CCDC192: variants seen among roughly 807,000 people sequenced by gnomAD.
CCDC192 encodes coiled-coil domain containing 192, also known as coiled-coil domain-containing protein 192.
intron 5 of CCDC192, among the ~76,000 whole-genome samples, chr5:127,826,657 A>T (rs992903085): frequency 6.8e-6 from 1 of 146,878 alleles, no homozygotes; most frequent in Non-Finnish European, 1.5e-5. Flanking sequence ...AGAGGGAGGG[A>T]GGGGGGCAAG....
intron 5 of CCDC192, among the ~76,000 whole-genome samples, chr5:127,863,743 C>G (rs1212640781): frequency 1.3e-5 from 2 of 152,102 alleles, no homozygotes; most frequent in African/African-American, 4.8e-5. Context: ...AAAAAAAAGT[C>G]TTCGAGTTGA....
intron 6 of CCDC192, among the ~76,000 whole-genome samples, chr5:127,920,651 T>C (rs1753684811): frequency 6.6e-6 from 1 of 151,940 alleles, no homozygotes. Context: ...CCTCAGGTGA[T>C]CCACCCACCT....
chr5:127,775,125 C>T (rs1287467639), intron 3 of CCDC192, among the ~76,000 whole-genome samples: 1 of 151,998 alleles, frequency 6.6e-6, no homozygotes, highest in Non-Finnish European at 1.5e-5. Flanking sequence ...CCTTGGTGAC[C>T]CTGGTTACAC....
At chr5:127,705,170 C>T (rs916438240) in intron 1 of CCDC192, among the ~76,000 whole-genome samples, 7 of 152,112 alleles carry the variant, frequency 4.6e-5, no homozygotes, top group African/African-American at 1.7e-4. Context: ...AGCTAATAGG[C>T]TTTCTAAAGC....
At chr5:127,798,481 G>C (rs982380907) in intron 5 of CCDC192, among the ~76,000 whole-genome samples, 4 of 152,116 alleles carry the variant, frequency 2.6e-5, no homozygotes, top group African/African-American at 7.2e-5. Context: ...TGGAAGTGGA[G>C]AGATGTGGTA....
intron 6 of CCDC192, among the ~76,000 whole-genome samples, chr5:127,881,157 C>T (rs1210713335): frequency 6.6e-6 from 1 of 152,110 alleles, no homozygotes; most frequent in Non-Finnish European, 1.5e-5. Flanking sequence ...TTTCAGACCC[C>T]ATGATAAATA....
At chr5:127,733,414 C>T (rs1378095028) in intron 2 of CCDC192, among the ~76,000 whole-genome samples, 1 of 152,126 alleles carries the variant, frequency 6.6e-6, no homozygotes, top group Non-Finnish European at 1.5e-5. Context: ...TCATCTCCTC[C>T]ATTTTTATAG....
intron 2 of CCDC192, among the ~76,000 whole-genome samples, chr5:127,724,058 T>C (rs1166738536): frequency 2.0e-5 from 3 of 152,208 alleles, no homozygotes; most frequent in Non-Finnish European, 4.4e-5. Flanking sequence ...AATGAGGTTA[T>C]GCATTAACAC....
intron 6 of CCDC192, among the ~76,000 whole-genome samples, chr5:127,921,076 A>G (rs559833174): frequency 5.3e-5 from 7 of 131,886 alleles, no homozygotes; most frequent in African/African-American, 2.4e-4. Context: ...GCAGGAAAGG[A>G]GGAAAGGAAA....
chr5:127,809,341 A>T (rs1382776229), intron 5 of CCDC192, among the ~76,000 whole-genome samples: 1 of 152,216 alleles, frequency 6.6e-6, no homozygotes, highest in African/African-American at 2.4e-5. Flanking sequence ...GTGAGTTCTA[A>T]CTTCCCATGC....
chr5:127,868,019 T>TC, intron 5 of CCDC192, among the ~76,000 whole-genome samples: 1 of 151,524 alleles, frequency 6.6e-6, no homozygotes, highest in Non-Finnish European at 1.5e-5. Flanking sequence ...CTTTTTTTTT[T>TC]TTTTTTCAAG....
At chr5:127,783,146 C>A (rs940956018) in intron 3 of CCDC192, among the ~76,000 whole-genome samples, 1 of 151,980 alleles carries the variant, frequency 6.6e-6, no homozygotes, top group Non-Finnish European at 1.5e-5. Context: ...CAGGCACGTG[C>A]CACCATGACC....
At chr5:127,902,847 T>G (rs908937279) in intron 6 of CCDC192, among the ~76,000 whole-genome samples, 3 of 152,148 alleles carry the variant, frequency 2.0e-5, no homozygotes, top group Admixed American at 1.3e-4. Flanking sequence ...AGAGTGTAGG[T>G]CAAAATTCTT....
chr5:127,812,733 C>A (rs1037952849), intron 5 of CCDC192, among the ~76,000 whole-genome samples: 1 of 152,178 alleles, frequency 6.6e-6, no homozygotes, highest in African/African-American at 2.4e-5. Context: ...TTTCTGCTCA[C>A]CTTCACTTGA....
intron 2 of CCDC192, among the ~76,000 whole-genome samples, chr5:127,734,297 C>G (rs1434603163): frequency 3.4e-4 from 52 of 152,080 alleles, no homozygotes; most frequent in African/African-American, 9.2e-4. Flanking sequence ...TGGTGTATAT[C>G]TGCCACATTT....
intron 5 of CCDC192, among the ~76,000 whole-genome samples, chr5:127,806,360 C>A (rs1364944742): frequency 6.6e-6 from 1 of 152,046 alleles, no homozygotes; most frequent in South Asian, 2.1e-4. Context: ...TTTCTATAGA[C>A]GATGAATAAG....
At chr5:127,715,613 G>A (rs543686276) in intron 2 of CCDC192, among the ~76,000 whole-genome samples, 48 of 152,116 alleles carry the variant, frequency 3.2e-4, no homozygotes, top group Non-Finnish European at 6.0e-4. Context: ...TTCTATTTCT[G>A]TGAAGGATAC....
intron 5 of CCDC192, among the ~76,000 whole-genome samples, chr5:127,868,014 T>C (rs1200000952): frequency 1.3e-5 from 2 of 151,350 alleles, no homozygotes; most frequent in South Asian, 2.1e-4. Flanking sequence ...TTTTTCTTTT[T>C]TTTTTTTTTT....
rs543356790 is a variant in CCDC192, at chr5:127,751,381, T to A, written c.115-2887T>A. ...TTTCTCCTTCACTCATGAAGCTTAG[T>A]TTGGCTGGATATGAAATTCTGGGTT... On this transcript the variant is annotated intron_variant, in intron 2 of 6. Coordinates refer to ENST00000514853, the MANE Select transcript of CCDC192 (RefSeq NM_001317938.2). 2.1e-4 allele frequency among the ~76,000 whole-genome samples: 32 copies of A among 152,092 alleles called. 2 individuals are homozygous for A. The South Asian group carries it at 5.6e-3, about 27-fold the overall frequency.
Sources: allele counts gnomAD v4.1 joint callset (sites outside exome capture counted in the v4.1 genomes callset), GRCh38; gene constraint gnomAD v4.1.1; transcripts MANE v1.5; gene names NCBI Gene and HGNC (gene_info 2026-07-23, HGNC 2026-07-21).